The following FRMPD4 variants were observed in gnomAD, a reference collection of about 807,000 sequenced individuals.
FRMPD4 encodes FERM and PDZ domain containing 4, also known as FERM and PDZ domain-containing protein 4.
A neutral mutation model predicts 94.1 loss-of-function variants in FRMPD4; 22 were observed. The ratio of observed to expected loss-of-function variants is 0.23; its 90% CI spans 0.17 to 0.33. FRMPD4 has a LOEUF of 0.33. Among genes scored for constraint, FRMPD4 ranks in the 10% least tolerant of loss-of-function variants. FRMPD4 has a pLI of 1.00. For missense variants in FRMPD4, 1,111 were observed against 1,339.9 expected (o/e 0.83, Z 2.67); for synonymous variants, 631 against 548.6 (o/e 1.15, Z -2.10).
chrX:12,405,403 A>G (rs529958551), intron 1 of FRMPD4, among the ~76,000 whole-genome samples: 48 of 111,313 alleles, frequency 4.3e-4, no homozygotes, highest in Admixed American at 1.1e-3. Flanking sequence ...TTATGAGTAC[A>G]TAGTAGGTGT....
chrX:12,117,921 A>G (rs775786782), intron 3 of FRMPD4, among the ~76,000 whole-genome samples: 2 of 111,500 alleles, frequency 1.8e-5, no homozygotes, highest in Non-Finnish European at 3.8e-5. Context: ...CTTCCCGAGC[A>G]TATTAAACAG....
At chrX:12,222,603 T>C (rs777204096) in intron 1 of FRMPD4, among the ~76,000 whole-genome samples, 25 of 112,473 alleles carry the variant, frequency 2.2e-4, no homozygotes, top group Non-Finnish European at 4.7e-4. Context: ...AGTTTTAGAA[T>C]AAGTTTCATC....
intron 3 of FRMPD4, among the ~76,000 whole-genome samples, chrX:11,950,383 A>G (rs2054215338): frequency 2.1e-5 from 2 of 97,385 alleles, no homozygotes; most frequent in Non-Finnish European, 4.3e-5. Context: ...ACATTACCTC[A>G]CTTAGTTAAC....
intron 1 of FRMPD4, among the ~76,000 whole-genome samples, chrX:12,486,248 C>A (rs1293258720): frequency 1.8e-5 from 2 of 111,651 alleles, no homozygotes; most frequent in Non-Finnish European, 3.8e-5. Flanking sequence ...TATGCTCAGA[C>A]TGTGCTCCCT....
At chrX:12,648,701 T>G (rs911491144) in intron 4 of FRMPD4, among the ~76,000 whole-genome samples, 14 of 112,276 alleles carry the variant, frequency 1.2e-4, no homozygotes, top group African/African-American at 4.5e-4. Context: ...AACATGTATC[T>G]TTATTGGGCA....
intron 2 of FRMPD4, among the ~76,000 whole-genome samples, chrX:12,555,670 G>A (rs1382235002): frequency 9.0e-6 from 1 of 111,399 alleles, no homozygotes. Context: ...GTCAAATCAA[G>A]TGCAGTCTTC....
At chrX:12,280,549 A>G (rs560003538) in intron 1 of FRMPD4, among the ~76,000 whole-genome samples, 1 of 110,957 alleles carries the variant, frequency 9.0e-6, no homozygotes, top group African/African-American at 3.3e-5. Context: ...ATCCACAGAA[A>G]AACTCAACTT....
Position 12,702,775 on chromosome X carries a change from T to C in FRMPD4, c.1070+765T>C, listed in dbSNP as rs770598814. On this transcript the variant is annotated intron_variant, in intron 10 of 16. Coordinates refer to ENST00000675598, the MANE Select transcript of FRMPD4 (RefSeq NM_001368397.1). Reference sequence around the variant, plus strand: ...GACAACTCTCAGTCACCTGTTGACATGTAGGGACAAATCCTCATATGCAAT... The same window carrying C: ...GACAACTCTCAGTCACCTGTTGACACGTAGGGACAAATCCTCATATGCAAT... Among the ~76,000 whole-genome samples the C allele has an allele frequency of 5.3e-5, 6 of 112,576 alleles. No homozygotes were observed. In the South Asian group the frequency reaches 1.9e-3, roughly 35 times the overall value.
intron 2 of FRMPD4, among the ~76,000 whole-genome samples, chrX:11,875,939 G>C (rs113473730): frequency 6.2e-5 from 6 of 96,423 alleles, no homozygotes; most frequent in Non-Finnish European, 8.1e-5. Flanking sequence ...GCAGTGGCGC[G>C]ATCTCGGCTC....
At chrX:11,900,583 A>C (rs1412950897) in intron 3 of FRMPD4, among the ~76,000 whole-genome samples, 1 of 111,420 alleles carries the variant, frequency 9.0e-6, no homozygotes, top group African/African-American at 3.3e-5. Flanking sequence ...CTGTAATCTC[A>C]GCCATGTTGA....
chrX:11,834,021 G>T, intron 1 of FRMPD4, among the ~76,000 whole-genome samples: 1 of 111,434 alleles, frequency 9.0e-6, no homozygotes, highest in Middle Eastern at 4.6e-3. Flanking sequence ...AATAATCTTT[G>T]TTATGTTAAG....
chrX:12,225,151 G>A (rs894544226), intron 1 of FRMPD4, among the ~76,000 whole-genome samples: 4 of 112,238 alleles, frequency 3.6e-5, no homozygotes, highest in African/African-American at 1.3e-4. Flanking sequence ...AGTATAGAAT[G>A]ATAGGAAATG....
At chrX:12,386,190 T>A (rs757507033) in intron 1 of FRMPD4, among the ~76,000 whole-genome samples, 52 of 112,453 alleles carry the variant, frequency 4.6e-4, no homozygotes, top group Non-Finnish European at 8.6e-4. Flanking sequence ...TCTCATAACA[T>A]CTGGAAGGAG....
At chrX:11,956,278 T>C (rs1434420950) in intron 3 of FRMPD4, among the ~76,000 whole-genome samples, 5 of 111,924 alleles carry the variant, frequency 4.5e-5, no homozygotes, top group Non-Finnish European at 3.8e-5. Flanking sequence ...ATTCTTCTTA[T>C]TAGTGCTCCA....
chrX:12,707,714 A>G, intron 13 of FRMPD4, 63 bp downstream of exon 13: 1 of 911,602 alleles, frequency 1.1e-6, no homozygotes, highest in Non-Finnish European at 1.6e-6. Context: ...ATAACACTGC[A>G]GATGTTTACA....
chrX:12,100,922 A>G (rs925465322), intron 3 of FRMPD4, among the ~76,000 whole-genome samples: 1 of 112,435 alleles, frequency 8.9e-6, no homozygotes, highest in Non-Finnish European at 1.9e-5. Flanking sequence ...GTGGTCCCTA[A>G]AGACAGGCTA....
At chrX:12,261,528 A>G (rs1360990583) in intron 1 of FRMPD4, among the ~76,000 whole-genome samples, 2 of 111,949 alleles carry the variant, frequency 1.8e-5, no homozygotes, top group Non-Finnish European at 3.8e-5. Context: ...AAGGACTGCC[A>G]AACATTATTT....
chrX:11,853,890 C>A (rs2147292413), intron 1 of FRMPD4, among the ~76,000 whole-genome samples: 1 of 112,312 alleles, frequency 8.9e-6, no homozygotes, highest in East Asian at 2.8e-4. Flanking sequence ...ATGAGGCCAG[C>A]ATCATCCTGA....
chrX:11,932,127 G>T (rs765449395), intron 3 of FRMPD4, among the ~76,000 whole-genome samples: 1 of 111,873 alleles, frequency 8.9e-6, no homozygotes, highest in East Asian at 2.8e-4. Flanking sequence ...CTCATTGTTT[G>T]TCCACTCCCT....
Sources: gnomAD v4.1 joint callset for allele counts (sites outside exome capture counted in the v4.1 genomes callset) on GRCh38, gnomAD v4.1.1 for gene constraint, MANE v1.5 for transcripts, NCBI Gene and HGNC (gene_info 2026-07-23, HGNC 2026-07-21) for gene names.